The following FGF13 variants were observed in gnomAD, a reference collection of about 807,000 sequenced individuals.
FGF13 encodes the protein fibroblast growth factor homologous factor 2.
FGF13 carries 2 observed loss-of-function variants against 19.5 expected under a neutral mutation model. That is an observed-to-expected ratio of 0.10 (90% CI 0.04 to 0.32). The LOEUF is 0.32. Among genes scored for constraint, FGF13 ranks in the 10% least tolerant of loss-of-function variants. The pLI is 1.00. For synonymous variants in FGF13, 72 were observed against 76.9 expected (o/e 0.94, Z 0.33); for missense variants, 113 against 192.7 (o/e 0.59, Z 2.45).
At chrX:138,703,980 C>T (rs1487581695) in intron 2 of FGF13, among the ~76,000 whole-genome samples, 1 of 111,966 alleles carries the variant, frequency 8.9e-6, no homozygotes, top group Non-Finnish European at 1.9e-5. Flanking sequence ...TCCCAAAGTG[C>T]TGGGATTACA....
At chrX:139,151,170 T>G (rs2148247243) in intron 1 of FGF13, among the ~76,000 whole-genome samples, 1 of 111,624 alleles carries the variant, frequency 9.0e-6, no homozygotes, top group African/African-American at 3.2e-5. Flanking sequence ...AACAAAATCT[T>G]ACAGCTTGTT....
intron 1 of FGF13, among the ~76,000 whole-genome samples, chrX:138,992,448 C>T (rs917702672): frequency 9.0e-6 from 1 of 110,657 alleles, no homozygotes; most frequent in African/African-American, 3.3e-5. Flanking sequence ...AGGAAATCAC[C>T]CATATTTTCT....
intron 1 of FGF13, among the ~76,000 whole-genome samples, chrX:138,881,894 A>G (rs60162599): frequency 0.1 from 11,298 of 109,296 alleles, 1,433 homozygotes; most frequent in African/African-American, 0.35. Context: ...TCTATTCTCT[A>G]TTTCAAAAAT....
In FGF13 at chrX:138,625,718, AC is replaced by A. The variant is rs1346182166; in HGVS notation, c.*7131del. ...GGAAACAGAGAGTTGAATGGTGGTT[AC>A]CAGGGTCTAGGGGGTGAGGTAACGT... On this transcript the variant is annotated 3_prime_UTR_variant, in exon 5 of 5. Coordinates refer to ENST00000315930, the MANE Select transcript of FGF13 (RefSeq NM_004114.5). 9.3e-6 allele frequency: 1 copy of A among 108,057 alleles called. No individual in the cohort carries two copies. Among genetic ancestry groups the A allele is most frequent in the East Asian group, 2.9e-4 (1 of 3,445 alleles). The allele number at this position is 108,057 out of a possible 1,213,427, so 8.9% of individuals were successfully genotyped here.
chrX:139,112,971 AGT>A (rs748975156), intron 1 of FGF13, among the ~76,000 whole-genome samples: 13,311 of 87,408 alleles, frequency 0.15, 867 homozygotes, highest in South Asian at 0.21. Flanking sequence ...TTGATTATGT[AGT>A]GTGTGTGTGT....
chrX:139,105,066 C>G lies in FGF13; in HGVS notation c.-113+98350G>C, dbSNP rs2083550102. ...CTTCTTCATTGTATTTTACCAAGAC[C>G]ATTGCTAATACCAACACTGGTTTTC... On this transcript the variant is annotated intron_variant, in intron 1 of 2. Transcript: ENST00000421460. Among the ~76,000 whole-genome samples the G allele has an allele frequency of 5.4e-5, 6 of 110,361 alleles. No individual in the cohort carries two copies. In the Admixed American group the frequency reaches 5.8e-4, roughly 11 times the overall value.
At chrX:138,792,431 TATTTTTTTCTCCCTAGAGC>T (rs1429945133) in intron 3 of FGF13, among the ~76,000 whole-genome samples, 2 of 111,712 alleles carry the variant, frequency 1.8e-5, no homozygotes, top group African/African-American at 6.5e-5. Context: ...AAAGCCTAGA[TATTTTTTTCTCCCTAGAGC>T]ATGTGACCAA....
intron 3 of FGF13, among the ~76,000 whole-genome samples, chrX:138,833,333 T>G (rs1046180592): frequency 1.8e-5 from 2 of 112,018 alleles, no homozygotes; most frequent in Non-Finnish European, 3.8e-5. Context: ...ATCTCCGATT[T>G]CTTTGAGCAG....
chrX:139,100,968 T>C (rs2083508143), intron 1 of FGF13, among the ~76,000 whole-genome samples: 1 of 111,555 alleles, frequency 9.0e-6, no homozygotes, highest in Non-Finnish European at 1.9e-5. Context: ...GCAGTTGCTA[T>C]GGCTTAGCAT....
intron 3 of FGF13, among the ~76,000 whole-genome samples, chrX:138,799,807 G>T (rs768452271): frequency 9.0e-6 from 1 of 111,673 alleles, no homozygotes; most frequent in East Asian, 2.8e-4. Context: ...TCTTCTTGTT[G>T]CATTGATCCC....
At chrX:138,715,535 C>T (rs1034895521), upstream of FGF13, among the ~76,000 whole-genome samples, 13 of 111,952 alleles carry the variant, frequency 1.2e-4, no homozygotes, top group Admixed American at 6.6e-4. Context: ...TGATTTCTTA[C>T]GTAAAAAATA....
intron 1 of FGF13, among the ~76,000 whole-genome samples, chrX:139,159,597 A>C (rs2084010259): frequency 9.4e-6 from 1 of 106,494 alleles, no homozygotes; most frequent in South Asian, 4.5e-4. Context: ...TCACGTGCAA[A>C]GACGCACAGA....
At chrX:138,760,449 A>T (rs141111312) in intron 3 of FGF13, among the ~76,000 whole-genome samples, 1 of 111,761 alleles carries the variant, frequency 8.9e-6, no homozygotes, top group African/African-American at 3.3e-5. Context: ...AGCTGACACA[A>T]GCCTGCCTCG....
At chrX:138,647,219 GA>G (rs10543925) in intron 3 of FGF13, among the ~76,000 whole-genome samples, 673 of 59,088 alleles carry the variant, frequency 0.011, 8 homozygotes, top group Middle Eastern at 0.036. Context: ...CATCTCTGGG[GA>G]AAAAAAAAAA....
At chrX:138,659,281 A>G (rs896471130) in intron 3 of FGF13, among the ~76,000 whole-genome samples, 35 of 112,327 alleles carry the variant, frequency 3.1e-4, no homozygotes, top group African/African-American at 1.1e-3. Context: ...TCCAGTCTGG[A>G]CAACATAGCA....
chrX:139,146,090 A>T (rs2083886731), intron 1 of FGF13, among the ~76,000 whole-genome samples: 1 of 111,888 alleles, frequency 8.9e-6, no homozygotes, highest in Non-Finnish European at 1.9e-5. Context: ...CACCAAAAGC[A>T]ATGGCAACAA....
chrX:138,962,949 C>G (rs1322934470), intron 1 of FGF13, among the ~76,000 whole-genome samples: 1 of 110,907 alleles, frequency 9.0e-6, no homozygotes, highest in African/African-American at 3.3e-5. Flanking sequence ...ACATACGTAA[C>G]AAACCTGCAC....
intron 1 of FGF13, among the ~76,000 whole-genome samples, chrX:139,042,740 A>T (rs886572120): frequency 2.7e-5 from 3 of 111,671 alleles, no homozygotes; most frequent in African/African-American, 9.8e-5. Context: ...TACATATTTT[A>T]TGAACTGACG....
intron 2 of FGF13, among the ~76,000 whole-genome samples, chrX:138,858,504 C>G (rs2091270817): frequency 8.9e-6 from 1 of 111,880 alleles, no homozygotes; most frequent in African/African-American, 3.3e-5. Flanking sequence ...TGAAAACCTT[C>G]CATGAAAATA....
Sources: gnomAD v4.1 joint callset for allele counts (sites outside exome capture counted in the v4.1 genomes callset) on GRCh38, gnomAD v4.1.1 for gene constraint, MANE v1.5 for transcripts, NCBI Gene and HGNC (gene_info 2026-07-23, HGNC 2026-07-21) for gene names.